Variants in WNT5A observed in about 807,000 individuals in gnomAD.
WNT5A encodes Wnt family member 5A.
Under a neutral mutation model 42.1 loss-of-function variants are expected in WNT5A, and 9 were observed. That is an observed-to-expected ratio of 0.21 (90% CI 0.13 to 0.37). WNT5A has a LOEUF of 0.37. Among genes scored for constraint, WNT5A ranks in the 10% least tolerant of loss-of-function variants. The probability of loss-of-function intolerance (pLI) is 1.00; values close to 1 mark genes in which losing one functional copy is unlikely to be tolerated. For missense variants in WNT5A, 426 were observed against 534.0 expected (o/e 0.80, Z 1.99); for synonymous variants, 210 against 210.0 (o/e 1.00, Z 0.00).
rs1298120685 is a variant in WNT5A at position 55,469,428 on chromosome 3, T to C, written c.*664A>G. The C allele has an allele frequency of 6.6e-6, 1 of 152,226 alleles. No individual in the cohort carries two copies. Among genetic ancestry groups the C allele is most frequent in the Non-Finnish European group, 1.5e-5 (1 of 68,036 alleles). The allele number at this position is 152,226 out of a possible 1,614,324, so 9.4% of individuals were successfully genotyped here. ...CCTGCTGCCCAAATTTCATGAGCTA[T>C]TAGAATATGACGGTCTGTCTGCAAA... On this transcript the variant is annotated 3_prime_UTR_variant, in exon 5 of 5. Transcript: ENST00000264634.
At chr3:55,484,872 C>T (rs1419071615) in intron 1 of WNT5A, among the ~76,000 whole-genome samples, 1 of 152,160 alleles carries the variant, frequency 6.6e-6, no homozygotes, top group African/African-American at 2.4e-5. Flanking sequence ...AGTTTCTCTC[C>T]CACTTTTTAA....
the WNT5A span, among the ~76,000 whole-genome samples, chr3:55,496,262 C>T: frequency 6.6e-6 from 1 of 152,272 alleles, no homozygotes; most frequent in East Asian, 1.9e-4. Context: ...TTCTTTGCTC[C>T]ACTCAGTTTA....
At chr3:55,485,865 T>A (rs2051569347) in intron 1 of WNT5A, among the ~76,000 whole-genome samples, 1 of 152,152 alleles carries the variant, frequency 6.6e-6, no homozygotes, top group African/African-American at 2.4e-5. Flanking sequence ...TTGTTTTTTT[T>A]AACTTTTTGG....
intron 4 of WNT5A, among the ~76,000 whole-genome samples, chr3:55,472,080 T>C (rs1366468305): frequency 6.6e-6 from 1 of 152,118 alleles, no homozygotes; most frequent in Non-Finnish European, 1.5e-5. Flanking sequence ...AGTGCCCAAA[T>C]TTCCATCCCC....
Position 55,480,881 on chromosome 3 carries a change from C to T in WNT5A, c.44G>A (p.Gly15Glu), listed in dbSNP as rs778287090. ...GGAAGACATTGCACTTCCAGCCATC[C>T]CCAAAGCAACTCCTGGGCTTAATAT... ...IGILSPGVAL[G>E]MAGSAMSSKF... Residue 15 changes from glycine to glutamate, a missense_variant, in exon 2 of 5, where the codon GGG becomes GAG. Around this residue, in one of 3 missense-constraint regions of WNT5A, gnomAD observed 62 missense variants for 49.0 expected, o/e 1.26. Transcript: ENST00000264634. 2.5e-6 allele frequency: 4 copies of T among 1,587,400 alleles called. No individual in the cohort carries two copies. The East Asian group carries it at 6.8e-5, about 27-fold the overall frequency.
upstream of WNT5A, among the ~76,000 whole-genome samples, chr3:55,493,437 T>C (rs1477886167): frequency 2.0e-5 from 3 of 152,232 alleles, no homozygotes; most frequent in Non-Finnish European, 4.4e-5. Flanking sequence ...GCTGCTGTCT[T>C]TTCCCCATGA....
upstream of WNT5A, chr3:55,487,837 G>C (rs1415365151): frequency 6.6e-6 from 1 of 152,280 alleles, no homozygotes; most frequent in Non-Finnish European, 1.5e-5. Context: ...CAAAAACGGG[G>C]AGCAAAATAG....
chr3:55,466,299 C>T lies in WNT5A; in HGVS notation c.*3793G>A, dbSNP rs1006774232. The stretch of plus-strand genomic sequence containing the variant: ...CAAGTTATAACTACCTTTTCTATCT[C>T]TCTATATATTGTGGGCCACTAAGTG... On this transcript the variant is annotated 3_prime_UTR_variant, in exon 5 of 5. Transcript: ENST00000264634. The T allele has an allele frequency of 6.6e-6, 1 of 152,162 alleles. No homozygotes were observed. Among genetic ancestry groups the T allele is most frequent in the Non-Finnish European group, 1.5e-5 (1 of 68,040 alleles). 9.4% of individuals were successfully genotyped at this position (152,162 alleles called of 1,614,324 possible). A position where few individuals can be genotyped will look rare whatever the true frequency, so the allele number is the denominator to read the frequency against.
intron 3 of WNT5A, among the ~76,000 whole-genome samples, chr3:55,478,502 T>G (rs372842776): frequency 6.6e-6 from 1 of 152,164 alleles, no homozygotes; most frequent in South Asian, 2.1e-4. Context: ...AAACATACAT[T>G]GGACCACATC....
At chr3:55,473,474 G>C (rs1325159959) in intron 4 of WNT5A, among the ~76,000 whole-genome samples, 1 of 152,216 alleles carries the variant, frequency 6.6e-6, no homozygotes, top group Admixed American at 6.5e-5. Flanking sequence ...GGAAAAAAAG[G>C]GTCTTTTTAA....
chr3:55,470,187 C>G lies in WNT5A; in HGVS notation c.1048G>C (p.Val350Leu). The G allele has an allele frequency of 6.2e-7, 1 of 1,614,046 alleles. No individual in the cohort carries two copies. The highest frequency in any genetic ancestry group is 8.5e-7 in the Non-Finnish European group (1 of 1,179,936). The stretch of plus-strand genomic sequence containing the variant: ...TTGCAGTGGCAGCGCTCCGTCTGCA[C>G]GGTCTTGAACTGGTCGTAGCCACGG... ...CGRGYDQFKTVQTERCHCKFH... is the reference protein window; with the variant it reads ...CGRGYDQFKTLQTERCHCKFH... Residue 350 changes from valine to leucine, a missense_variant, in exon 5 of 5, where the codon GTG becomes CTG. Val to Leu is a conservative substitution (Grantham distance 32). This residue lies in a region of WNT5A where 358 missense variants were observed against 468.1 expected (regional missense o/e 0.76). Coordinates refer to ENST00000264634, the MANE Select transcript of WNT5A (RefSeq NM_003392.7).
chr3:55,503,986 A>G, the WNT5A span, among the ~76,000 whole-genome samples: 1 of 152,146 alleles, frequency 6.6e-6, no homozygotes, highest in Non-Finnish European at 1.5e-5. Flanking sequence ...GTTAGAGAAT[A>G]AATTTTGGGG....
At chr3:55,503,512 T>A in the WNT5A span, among the ~76,000 whole-genome samples, 1 of 152,342 alleles carries the variant, frequency 6.6e-6, no homozygotes, top group Non-Finnish European at 1.5e-5. Flanking sequence ...TAAACCCAGA[T>A]GCACTCAGGG....
the WNT5A span, among the ~76,000 whole-genome samples, chr3:55,504,502 T>C: frequency 3.1e-4 from 47 of 151,846 alleles, no homozygotes; most frequent in Admixed American, 2.9e-3. Context: ...AAAAAATTGT[T>C]GCCCAAGCTG....
At chr3:55,474,262 G>C (rs1239897727) in intron 4 of WNT5A, 75 bp downstream of exon 4, 12 of 1,588,338 alleles carry the variant, frequency 7.6e-6, no homozygotes, top group Non-Finnish European at 1.0e-5. Context: ...CGGAGCTACA[G>C]GGAGAGACCC....
intron 4 of WNT5A, 139 bp from the exon 5 acceptor site, chr3:55,470,689 T>C: frequency 1.3e-6 from 1 of 791,804 alleles, no homozygotes; most frequent in Non-Finnish European, 1.9e-6. Flanking sequence ...TTTCCTTCAT[T>C]ACCAGAAGTC....
chr3:55,490,796 A>G (rs1459126292), upstream of WNT5A, among the ~76,000 whole-genome samples: 1 of 152,216 alleles, frequency 6.6e-6, no homozygotes, highest in East Asian at 1.9e-4. Flanking sequence ...CTCTTCACTG[A>G]ATGAATACAA....
chr3:55,469,125 T>C lies in WNT5A; in HGVS notation c.*967A>G, dbSNP rs990169153. 1 of 152,220 alleles carries C rather than the reference T, an allele frequency of 6.6e-6. No individual in the cohort carries two copies. The highest frequency in any genetic ancestry group is 6.5e-5 in the Admixed American group (1 of 15,284). 9.4% of individuals were successfully genotyped at this position (152,220 alleles called of 1,614,324 possible). ...AAATAGGTTGTCTGCTCTGGTGCAG[T>C]GCTGAATGGCACGCAATTACCTTGT... is the stretch of plus-strand genomic sequence containing the variant. On this transcript the variant is annotated 3_prime_UTR_variant, in exon 5 of 5. Transcript: ENST00000264634.
rs1160724389 is a variant in WNT5A at position 55,487,133 on chromosome 3, C to G, written c.-148G>C. 31 of 682,576 alleles carry G rather than the reference C, an allele frequency of 4.5e-5. No homozygotes were observed. Among genetic ancestry groups the G allele is most frequent in the Non-Finnish European group, 7.4e-6 (3 of 407,620 alleles). 42.3% of individuals were successfully genotyped at this position (682,576 alleles called of 1,614,324 possible). A position where few individuals can be genotyped will look rare whatever the true frequency, so the allele number is the denominator to read the frequency against. ...GCGCGCGTCCGGCGGGCGCAGTGAA[C>G]CGGAGCTGAAGCGGGCACTGGCGCC... On this transcript the variant is annotated 5_prime_UTR_variant, in exon 1 of 5. Transcript: ENST00000264634.
Sources: allele counts gnomAD v4.1 joint callset (sites outside exome capture counted in the v4.1 genomes callset), GRCh38; gene constraint gnomAD v4.1.1; regional missense constraint gnomAD v4.1.1; transcripts MANE v1.5; gene names NCBI Gene and HGNC (gene_info 2026-07-23, HGNC 2026-07-21).